The following DDAH1 variants were observed in gnomAD, a reference collection of about 807,000 sequenced individuals.
DDAH1 encodes N(G),N(G)-dimethylarginine dimethylaminohydrolase 1.
Under a neutral mutation model 28.8 loss-of-function variants are expected in DDAH1, and 19 were observed. That is an observed-to-expected ratio of 0.66 (90% CI 0.46 to 0.97). The LOEUF is 0.97. Ranked by LOEUF, DDAH1 falls within the 50% of genes least tolerant of loss-of-function variation. The probability of loss-of-function intolerance (pLI) is 0.00; values close to 1 mark genes in which losing one functional copy is unlikely to be tolerated. For synonymous variants in DDAH1, 153 were observed against 154.4 expected (o/e 0.99, Z 0.07); for missense variants, 326 against 375.9 (o/e 0.87, Z 1.10).
intron 1 of DDAH1, among the ~76,000 whole-genome samples, chr1:85,511,551 G>A (rs1377969042): frequency 1.3e-5 from 2 of 152,126 alleles, no homozygotes; most frequent in African/African-American, 4.8e-5. Context: ...AAAAATCAAT[G>A]AATCCAGGAG....
intron 1 of DDAH1, among the ~76,000 whole-genome samples, chr1:85,364,873 A>G (rs1055773603): frequency 1.3e-5 from 2 of 152,124 alleles, no homozygotes; most frequent in Admixed American, 1.3e-4. Context: ...ACTAGCCAAA[A>G]CTACCAACAA....
Position 85,321,449 on chromosome 1 carries a change from A to C in DDAH1, c.*3T>G. 1 of 1,606,286 alleles carries C rather than the reference A, an allele frequency of 6.2e-7. No individual in the cohort carries two copies. The highest frequency in any genetic ancestry group is 1.3e-5 in the African/African-American group (1 of 74,908). On this transcript the variant is annotated 3_prime_UTR_variant, in exon 6 of 6. Coordinates refer to ENST00000284031, the MANE Select transcript of DDAH1 (RefSeq NM_012137.4). ...TGCCGGCTACCGGGGGGGACTCTGC[A>C]GCTCAGGAGTCTACTTTCTTGTTAA...
chr1:85,421,135 A>G (rs1310946451), intron 1 of DDAH1, among the ~76,000 whole-genome samples: 1 of 152,212 alleles, frequency 6.6e-6, no homozygotes, highest in Non-Finnish European at 1.5e-5. Flanking sequence ...TAAACCATTC[A>G]TGGGAAAATT....
chr1:85,575,573 A>C (rs1659578444), intron 1 of DDAH1, among the ~76,000 whole-genome samples: 1 of 152,224 alleles, frequency 6.6e-6, no homozygotes, highest in Non-Finnish European at 1.5e-5. Context: ...TACATTACGC[A>C]ATTCTCAGGG....
intron 1 of DDAH1, among the ~76,000 whole-genome samples, chr1:85,552,047 G>T (rs983361819): frequency 6.6e-6 from 1 of 152,188 alleles, no homozygotes; most frequent in Non-Finnish European, 1.5e-5. Flanking sequence ...ATCCCAAGGG[G>T]ATAACTTGTC....
At chr1:85,444,182 A>G (rs187088236) in intron 1 of DDAH1, among the ~76,000 whole-genome samples, 2 of 152,300 alleles carry the variant, frequency 1.3e-5, no homozygotes, top group Admixed American at 6.5e-5. Context: ...ATTTTGAAAT[A>G]TATCCCATCA....
At chr1:85,371,561 T>C (rs1650386032) in intron 1 of DDAH1, among the ~76,000 whole-genome samples, 1 of 152,164 alleles carries the variant, frequency 6.6e-6, no homozygotes, top group African/African-American at 2.4e-5. Flanking sequence ...AGAAATCAAT[T>C]TTGAAATTAT....
intron 4 of DDAH1, among the ~76,000 whole-genome samples, chr1:85,329,520 G>C (rs1448826740): frequency 6.6e-6 from 1 of 152,138 alleles, no homozygotes; most frequent in Non-Finnish European, 1.5e-5. Context: ...ATAAAGGCCA[G>C]TACCTACTTT....
chr1:85,556,594 GGTGT>G (rs147084860), intron 1 of DDAH1, among the ~76,000 whole-genome samples: 2 of 151,482 alleles, frequency 1.3e-5, no homozygotes, highest in Non-Finnish European at 2.9e-5. Context: ...CACAGCTAAA[GGTGT>G]GTGTGTGTGT....
intron 2 of DDAH1, among the ~76,000 whole-genome samples, chr1:85,475,957 T>C (rs2100709506): frequency 6.6e-6 from 1 of 152,340 alleles, no homozygotes; most frequent in South Asian, 2.1e-4. Flanking sequence ...GTTCAAGTGA[T>C]TCTCCCACCT....
At chr1:85,337,515 A>G (rs999337431) in intron 4 of DDAH1, among the ~76,000 whole-genome samples, 2 of 150,484 alleles carry the variant, frequency 1.3e-5, no homozygotes, top group East Asian at 1.9e-4. Context: ...GTGCAGTGGC[A>G]CTATCTTGGC....
At chr1:85,541,519 C>T (rs1013320912) in intron 1 of DDAH1, among the ~76,000 whole-genome samples, 1 of 152,118 alleles carries the variant, frequency 6.6e-6, no homozygotes, top group Non-Finnish European at 1.5e-5. Context: ...GTAAATGATG[C>T]TGTGTTGGGT....
chr1:85,572,210 C>A (rs1448056100), intron 1 of DDAH1, among the ~76,000 whole-genome samples: 1 of 152,120 alleles, frequency 6.6e-6, no homozygotes. Context: ...AAGGAGAGAA[C>A]CCTTTTTCAT....
At chr1:85,322,456 A>C (rs1480069701) in intron 5 of DDAH1, among the ~76,000 whole-genome samples, 2 of 152,260 alleles carry the variant, frequency 1.3e-5, no homozygotes, top group Non-Finnish European at 2.9e-5. Flanking sequence ...ATTTTTAAAA[A>C]CAGAATCACT....
chr1:85,365,008 A>G lies in DDAH1; in HGVS notation c.304-6161T>C, dbSNP rs181178344. ...CAAAGCTCTCAGAAGGAATTTAGTT[A>G]GCAATGGTAACAGCAAACATTTATA... On this transcript the variant is annotated intron_variant, in intron 1 of 5. Transcript: ENST00000284031. 3.1e-3 allele frequency among the ~76,000 whole-genome samples: 470 copies of G among 152,358 alleles called. 3 individuals are homozygous for G. The highest frequency in any genetic ancestry group is 4.3e-3 in the Admixed American group (66 of 15,302).
At chr1:85,429,028 T>A (rs1183191738) in intron 1 of DDAH1, among the ~76,000 whole-genome samples, 1 of 152,074 alleles carries the variant, frequency 6.6e-6, no homozygotes, top group East Asian at 1.9e-4. Context: ...TATTTTTTTA[T>A]TATATACTTT....
At chr1:85,417,870 A>G (rs796527272) in intron 1 of DDAH1, among the ~76,000 whole-genome samples, 1 of 152,384 alleles carries the variant, frequency 6.6e-6, no homozygotes, top group African/African-American at 2.4e-5. Context: ...TTCATTGTCA[A>G]GCTGAGATCC....
chr1:85,421,215 C>T (rs1653127646), intron 1 of DDAH1, among the ~76,000 whole-genome samples: 1 of 152,188 alleles, frequency 6.6e-6, no homozygotes. Flanking sequence ...CAACATGAGA[C>T]TTGAATGGGG....
At position 85,416,088 on chromosome 1, in the gene DDAH1, T is replaced by C. The variant is rs79116001; in HGVS notation, c.303+48655A>G. Among the ~76,000 whole-genome samples the C allele has an allele frequency of 1.9e-3, 286 of 152,268 alleles. 7 individuals carry two copies. The East Asian group carries it at 0.034, about 18-fold the overall frequency. Reference sequence around the variant, plus strand: ...TTATTAATACTGATGCTCATACTTTTAGTTTTGAGTTTGCTTATGTTAGGA... The same window carrying C: ...TTATTAATACTGATGCTCATACTTTCAGTTTTGAGTTTGCTTATGTTAGGA... On this transcript the variant is annotated intron_variant, in intron 1 of 5. Transcript: ENST00000284031.
Sources: gnomAD v4.1 joint callset for allele counts (sites outside exome capture counted in the v4.1 genomes callset) on GRCh38, gnomAD v4.1.1 for gene constraint, MANE v1.5 for transcripts, NCBI Gene and HGNC (gene_info 2026-07-23, HGNC 2026-07-21) for gene names.